The following IFIT5 variants were observed in gnomAD, a reference collection of about 807,000 sequenced individuals.
IFIT5 encodes the protein interferon induced protein with tetratricopeptide repeats 5.
Under a neutral mutation model 5.0 loss-of-function variants are expected in IFIT5, and 2 were observed. That is an observed-to-expected ratio of 0.40 (90% CI 0.16 to 1.26). The LOEUF is 1.26. Ranked by LOEUF, IFIT5 falls within the 50% of genes most tolerant of loss-of-function variation. The pLI is 0.33. For synonymous variants in IFIT5, 206 were observed against 204.6 expected (o/e 1.01, Z -0.06); for missense variants, 524 against 563.2 (o/e 0.93, Z 0.70).
At chr10:89,417,080 C>G in intron 1 of IFIT5, 125 bp from the exon 2 acceptor site, 1 of 761,666 alleles carries the variant, frequency 1.3e-6, no homozygotes, top group Non-Finnish European at 2.0e-6. Context: ...TTATGGGAAA[C>G]TTATGTTTTA....
At chr10:89,416,677 A>G (rs1431299226) in intron 1 of IFIT5, among the ~76,000 whole-genome samples, 1 of 152,242 alleles carries the variant, frequency 6.6e-6, no homozygotes, top group Non-Finnish European at 1.5e-5. Flanking sequence ...CTGGGCTGGT[A>G]GAGACCTTCA....
rs200078169 is a variant in IFIT5, at chr10:89,418,041, C to T, written c.842C>T (p.Thr281Ile). The T allele has an allele frequency of 6.2e-7, 1 of 1,614,206 alleles. No individual in the cohort carries two copies. Among genetic ancestry groups the T allele is most frequent in the African/African-American group, 1.3e-5 (1 of 75,064 alleles). Residue 281 changes from threonine to isoleucine, a missense_variant, in exon 2 of 2, where the codon ACT becomes ATT. Thr to Ile is a moderately conservative substitution (Grantham distance 89, BLOSUM62 -1). Coordinates refer to ENST00000371795, the MANE Select transcript of IFIT5 (RefSeq NM_012420.3). ...AAAAAGGCCTTGGAGGTGACACCAA[C>T]TTCTTCTTTCCTGCATCACCAGATG... Reference protein sequence around the residue: ...LLKKALEVTPTSSFLHHQMGL... With the variant: ...LLKKALEVTPISSFLHHQMGL...
rs1841516048 is a variant in IFIT5, at chr10:89,414,895, G to A, written c.5+92G>A. On this transcript the variant is annotated intron_variant, in intron 1 of 1. Transcript: ENST00000371795. ...TTATTCATTTCCAGCGCAGTTCTGC[G>A]GCCTTTTCAGGGGCCGAGCCCCTCG... is the stretch of plus-strand genomic sequence containing the variant. The A allele has an allele frequency of 3.2e-5, 47 of 1,487,374 alleles. No homozygotes were observed. The South Asian group carries it at 5.2e-4, about 17-fold the overall frequency. The allele number at this position is 1,487,374 out of a possible 1,614,324, so 92.1% of individuals were successfully genotyped here. A position where few individuals can be genotyped will look rare whatever the true frequency, so the allele number is the denominator to read the frequency against.
chr10:89,414,778 G>T lies in IFIT5; in HGVS notation c.-21G>T. On this transcript the variant is annotated 5_prime_UTR_variant, in exon 1 of 2. Coordinates refer to ENST00000371795, the MANE Select transcript of IFIT5 (RefSeq NM_012420.3). The stretch of plus-strand genomic sequence containing the variant: ...ATCCGAGGGACTGCGCCGCCCGGAC[G>T]GCCTGCAGAGCGCTGCCATCATGAG... 6.2e-7 allele frequency: 1 copy of T among 1,607,668 alleles called. No homozygotes were observed. The highest frequency in any genetic ancestry group is 8.5e-7 in the Non-Finnish European group (1 of 1,177,646).
chr10:89,415,421 C>T (rs1356695167), intron 1 of IFIT5, among the ~76,000 whole-genome samples: 1 of 152,252 alleles, frequency 6.6e-6, no homozygotes, highest in Non-Finnish European at 1.5e-5. Context: ...CTGCCACTGC[C>T]AGTTTGCGTT....
rs1841580515 is a variant in IFIT5 at position 89,419,767 on chromosome 10, T to C, written c.*1119T>C. On this transcript the variant is annotated 3_prime_UTR_variant, in exon 2 of 2. Transcript: ENST00000371795. ...TTGAGGGGTCGCTGCTTGAGGGCTC[T>C]TATCCCAGGGGACTTTTTAATTCGG... 6.6e-6 allele frequency: 1 copy of C among 152,194 alleles called. No individual in the cohort carries two copies. The highest frequency in any genetic ancestry group is 6.5e-5 in the Admixed American group (1 of 15,280). The allele number at this position is 152,194 out of a possible 1,614,324, so 9.4% of individuals were successfully genotyped here.
chr10:89,418,019 A>T lies in IFIT5; in HGVS notation c.820A>T (p.Lys274Ter). Residue 274 changes from lysine (K) to a stop codon, truncating the protein, a stop_gained, in exon 2 of 2, where the codon AAG becomes TAG. Transcript: ENST00000371795. LOFTEE classifies it low-confidence loss of function (END_TRUNC). ...SWNKALELLK[K>*]ALEVTPTSSF... ...GAACAAAGCTCTCGAACTTTTAAAA[A>T]AGGCCTTGGAGGTGACACCAACTTC... The T allele has an allele frequency of 6.2e-7, 1 of 1,614,236 alleles. No individual in the cohort carries two copies. The highest frequency in any genetic ancestry group is 1.3e-5 in the African/African-American group (1 of 75,058).
rs1023935431 is a variant in IFIT5, at chr10:89,418,707, G to T, written c.*59G>T. 73 of 1,335,406 alleles carry T rather than the reference G, an allele frequency of 5.5e-5. No homozygotes were observed. The highest frequency in any genetic ancestry group is 3.7e-4 in the African/African-American group (25 of 67,330). 82.7% of individuals were successfully genotyped at this position (1,335,406 alleles called of 1,614,324 possible). A position where few individuals can be genotyped will look rare whatever the true frequency, so the allele number is the denominator to read the frequency against. Reference sequence around the variant, plus strand: ...CCCTTCATTTTGGGTTCTCCTGTTTGTTTTTTTTTTATTATTTTAATCCCT... The same window carrying T: ...CCCTTCATTTTGGGTTCTCCTGTTTTTTTTTTTTTTATTATTTTAATCCCT... On this transcript the variant is annotated 3_prime_UTR_variant, in exon 2 of 2. Transcript: ENST00000371795.
intron 1 of IFIT5, among the ~76,000 whole-genome samples, chr10:89,416,139 G>A (rs1163623885): frequency 6.6e-6 from 1 of 151,878 alleles, no homozygotes; most frequent in Non-Finnish European, 1.5e-5. Flanking sequence ...TGACCGGGCT[G>A]GTCTCGAATT....
Position 89,417,315 on chromosome 10 carries a change from G to T in IFIT5, c.116G>T (p.Gly39Val). ...CTGTTTGAGGTAGAAGATACAATTG[G>T]GCAACAGCTTGAATTTCTTACCACA... The part of the protein sequence containing the change: ...IDLFEVEDTI[G>V]QQLEFLTTKS... Residue 39 changes from glycine to valine, a missense_variant, in exon 2 of 2, where the codon GGG (glycine) becomes GTG (valine). Transcript: ENST00000371795. The T allele has an allele frequency of 6.2e-7, 1 of 1,614,048 alleles. No individual in the cohort carries two copies. Among genetic ancestry groups the T allele is most frequent in the Non-Finnish European group, 8.5e-7 (1 of 1,180,006 alleles).
At chr10:89,416,930 G>C (rs1841543415) in intron 1 of IFIT5, among the ~76,000 whole-genome samples, 1 of 152,144 alleles carries the variant, frequency 6.6e-6, no homozygotes, top group Non-Finnish European at 1.5e-5. Flanking sequence ...CAATGGTTTA[G>C]TGATTGCCAA....
Position 89,417,481 on chromosome 10 carries a change from G to A in IFIT5, c.282G>A (p.Leu94=), listed in dbSNP as rs1183575626. ...CAGACAAAGAAGAAGTACGAAGCCT[G>A]GTCACTTGGGGAAACTATGCCTGGG... ...EHSDKEEVRS[L]VTWGNYAWVY... Residue 94 remains leucine (L), a synonymous_variant, in exon 2 of 2, where the codon CTG becomes CTA. Transcript: ENST00000371795. 48 of 1,614,074 alleles carry A rather than the reference G, an allele frequency of 3.0e-5. No homozygotes were observed. The highest frequency in any genetic ancestry group is 4.1e-5 in the Non-Finnish European group (48 of 1,180,042).
chr10:89,414,836 C>T, intron 1 of IFIT5, 33 bp downstream of exon 1: 1 of 1,605,664 alleles, frequency 6.2e-7, no homozygotes, highest in Non-Finnish European at 8.5e-7. Context: ...CCTCCCAAGC[C>T]CTGCGTCGGC....
At chr10:89,417,135 C>A in intron 1 of IFIT5, 70 bp from the exon 2 acceptor site, 1 of 1,296,884 alleles carries the variant, frequency 7.7e-7, no homozygotes, top group Non-Finnish European at 1.0e-6. Context: ...ATGCAAAGAA[C>A]AATATTTAAG....
Position 89,419,738 on chromosome 10 carries a change from C to T in IFIT5, c.*1090C>T, listed in dbSNP as rs1841580247. 1 of 151,876 alleles carries T rather than the reference C, an allele frequency of 6.6e-6. No homozygotes were observed. Among genetic ancestry groups the T allele is most frequent in the Non-Finnish European group, 1.5e-5 (1 of 68,002 alleles). 9.4% of individuals were successfully genotyped at this position (151,876 alleles called of 1,614,324 possible). A position where few individuals can be genotyped will look rare whatever the true frequency, so the allele number is the denominator to read the frequency against. On this transcript the variant is annotated 3_prime_UTR_variant, in exon 2 of 2. Transcript: ENST00000371795. ...AAGCACTGCTTTCAGTTTTAATATCCACCTTGAGGGGTCGCTGCTTGAGGG... is the reference window on the plus strand; with the variant it reads ...AAGCACTGCTTTCAGTTTTAATATCTACCTTGAGGGGTCGCTGCTTGAGGG...
rs368179100 is a variant in IFIT5 at position 89,414,767 on chromosome 10, G to A, written c.-32G>A. 3.1e-6 allele frequency: 5 copies of A among 1,606,228 alleles called. No homozygotes were observed. Among genetic ancestry groups the A allele is most frequent in the East Asian group, 2.3e-5 (1 of 44,108 alleles). On this transcript the variant is annotated 5_prime_UTR_variant, in exon 1 of 2. Transcript: ENST00000371795. ...AGGAGAGAGCGATCCGAGGGACTGCGCCGCCCGGACGGCCTGCAGAGCGCT... is the reference window on the plus strand; with the variant it reads ...AGGAGAGAGCGATCCGAGGGACTGCACCGCCCGGACGGCCTGCAGAGCGCT...
rs142455548 is a variant in IFIT5 at position 89,417,382 on chromosome 10, A to C, written c.183A>C (p.Lys61Asn). ...LALYNLLAYV[K>N]HLKGQNKDAL... ...TTTATAACCTATTGGCCTATGTGAA[A>C]CACCTAAAAGGCCAAAATAAAGACG... The change falls in exon 2 of 2, where the codon AAA (lysine) becomes AAC (asparagine). Residue 61 changes from lysine to asparagine, a missense_variant. By Grantham distance (94) the Lys-to-Asn change is moderately conservative. Coordinates refer to ENST00000371795, the MANE Select transcript of IFIT5 (RefSeq NM_012420.3). The C allele has an allele frequency of 8.5e-4, 1,374 of 1,614,190 alleles. 3 individuals are homozygous for C. The highest frequency in any genetic ancestry group is 1.1e-3 in the Non-Finnish European group (1,246 of 1,180,048).
At chr10:89,415,931 C>A (rs1841531922) in intron 1 of IFIT5, among the ~76,000 whole-genome samples, 1 of 152,190 alleles carries the variant, frequency 6.6e-6, no homozygotes, top group Admixed American at 6.5e-5. Flanking sequence ...ACACATCTAA[C>A]TTTATTTTTG....
rs1485451502 is a variant in IFIT5, at chr10:89,420,757, C to T, written c.*2109C>T. 1 of 152,182 alleles carries T rather than the reference C, an allele frequency of 6.6e-6. No homozygotes were observed. The highest frequency in any genetic ancestry group is 1.9e-4 in the East Asian group (1 of 5,202). 9.4% of individuals were successfully genotyped at this position (152,182 alleles called of 1,614,324 possible). On this transcript the variant is annotated 3_prime_UTR_variant, in exon 2 of 2. Coordinates refer to ENST00000371795, the MANE Select transcript of IFIT5 (RefSeq NM_012420.3). ...CTGGGTCCCGCCCCATAGAGAATGA[C>T]TTAATTGGCATGGGGTGCAGTCCAG...
Sources: allele counts gnomAD v4.1 joint callset (sites outside exome capture counted in the v4.1 genomes callset), GRCh38; gene constraint gnomAD v4.1.1; transcripts MANE v1.5; gene names NCBI Gene and HGNC (gene_info 2026-07-23, HGNC 2026-07-21).